The following ZNF407 variants were observed in gnomAD, a reference collection of about 807,000 sequenced individuals.
ZNF407 encodes zinc finger protein 407.
Under a neutral mutation model 131.2 loss-of-function variants are expected in ZNF407, and 17 were observed. The observed-to-expected ratio is 0.13, with a 90% confidence interval of 0.09 to 0.19. ZNF407 has a LOEUF of 0.19. Among genes scored for constraint, ZNF407 ranks in the 10% least tolerant of loss-of-function variants. The probability of loss-of-function intolerance (pLI) is 1.00; values close to 1 mark genes in which losing one functional copy is unlikely to be tolerated. For missense variants in ZNF407, 2,681 were observed against 2,830.6 expected (o/e 0.95, Z 1.20); for synonymous variants, 1,156 against 1,062.0 (o/e 1.09, Z -1.72).
At chr18:74,662,156 T>C (rs1206148965) in intron 3 of ZNF407, among the ~76,000 whole-genome samples, 1 of 152,196 alleles carries the variant, frequency 6.6e-6, no homozygotes, top group African/African-American at 2.4e-5. Flanking sequence ...TCACTGATTC[T>C]GTGAAACCTT....
At chr18:74,869,225 A>G (rs1971053943) in intron 4 of ZNF407, among the ~76,000 whole-genome samples, 1 of 152,224 alleles carries the variant, frequency 6.6e-6, no homozygotes, top group African/African-American at 2.4e-5. Context: ...AGTAACTATT[A>G]TTTTAACTTT....
At chr18:74,772,084 C>A (rs539451661) in intron 3 of ZNF407, among the ~76,000 whole-genome samples, 20 of 152,270 alleles carry the variant, frequency 1.3e-4, no homozygotes, top group African/African-American at 3.8e-4. Context: ...GGCATGAATT[C>A]TACTTTTGCA....
chr18:74,971,785 C>G (rs1431460464), intron 8 of ZNF407, among the ~76,000 whole-genome samples: 1 of 152,180 alleles, frequency 6.6e-6, no homozygotes, highest in African/African-American at 2.4e-5. Context: ...TTTTCAGTAT[C>G]TTTTCAGCAA....
intron 8 of ZNF407, among the ~76,000 whole-genome samples, chr18:75,054,894 C>T (rs1336146452): frequency 6.6e-6 from 1 of 152,236 alleles, no homozygotes; most frequent in Non-Finnish European, 1.5e-5. Flanking sequence ...TGGGCTCCCC[C>T]CCATACAAAG....
intron 4 of ZNF407, among the ~76,000 whole-genome samples, chr18:74,797,977 T>C (rs1472889819): frequency 6.6e-6 from 1 of 152,072 alleles, no homozygotes; most frequent in Non-Finnish European, 1.5e-5. Context: ...AGGTGAGAGT[T>C]CTGGAATAGT....
At chr18:74,605,676 G>T (rs1376159614) in intron 1 of ZNF407, among the ~76,000 whole-genome samples, 1 of 152,194 alleles carries the variant, frequency 6.6e-6, no homozygotes, top group Non-Finnish European at 1.5e-5. Context: ...CTATATACAT[G>T]TTAAGAAAGT....
chr18:74,778,141 G>A (rs1270589483), intron 3 of ZNF407, among the ~76,000 whole-genome samples: 1 of 152,152 alleles, frequency 6.6e-6, no homozygotes, highest in African/African-American at 2.4e-5. Flanking sequence ...AGGCTGTCAT[G>A]GCCTTCAGTG....
intron 8 of ZNF407, among the ~76,000 whole-genome samples, chr18:74,939,527 A>C (rs1010180745): frequency 2.9e-4 from 44 of 152,342 alleles, no homozygotes; most frequent in Non-Finnish European, 5.7e-4. Context: ...TGAATAGGCA[A>C]TTTAAAATGC....
chr18:74,790,891 A>G (rs3893012), intron 4 of ZNF407, among the ~76,000 whole-genome samples: 20,759 of 152,192 alleles, frequency 0.14, 2,538 homozygotes, highest in African/African-American at 0.33. Context: ...TTTATGAGAA[A>G]GAAGATATTT....
At chr18:74,711,507 AG>A (rs943500105) in intron 3 of ZNF407, among the ~76,000 whole-genome samples, 8 of 152,168 alleles carry the variant, frequency 5.3e-5, no homozygotes. Flanking sequence ...TGAGCCAGCA[AG>A]TGTGGGGGAC....
At chr18:74,961,888 A>G (rs1972349810) in intron 8 of ZNF407, among the ~76,000 whole-genome samples, 1 of 151,514 alleles carries the variant, frequency 6.6e-6, no homozygotes, top group Admixed American at 6.6e-5. Flanking sequence ...ATCAGACCCT[A>G]ACTTGCACTA....
chr18:74,624,722 C>T (rs559786021), intron 1 of ZNF407, among the ~76,000 whole-genome samples: 4 of 152,304 alleles, frequency 2.6e-5, no homozygotes, highest in South Asian at 4.1e-4. Context: ...AAGCCAGTGC[C>T]GTGGCCCTCT....
intron 4 of ZNF407, among the ~76,000 whole-genome samples, chr18:74,850,985 A>G (rs538390256): frequency 1.6e-3 from 248 of 152,322 alleles, no homozygotes; most frequent in Middle Eastern, 0.014. Flanking sequence ...GGAGGTCCAT[A>G]AAAATAATTC....
At chr18:74,869,535 A>G (rs1326807009) in intron 4 of ZNF407, among the ~76,000 whole-genome samples, 3 of 152,230 alleles carry the variant, frequency 2.0e-5, no homozygotes, top group African/African-American at 7.2e-5. Flanking sequence ...GAATAAGTTC[A>G]GAACTAAACC....
At chr18:74,712,404 T>A (rs1967787654) in intron 3 of ZNF407, among the ~76,000 whole-genome samples, 1 of 152,250 alleles carries the variant, frequency 6.6e-6, no homozygotes, top group Non-Finnish European at 1.5e-5. Context: ...TTTCAACCTT[T>A]AGTTCCAGCC....
intron 3 of ZNF407, among the ~76,000 whole-genome samples, chr18:74,689,578 T>G (rs1279841970): frequency 6.6e-6 from 1 of 152,238 alleles, no homozygotes; most frequent in Non-Finnish European, 1.5e-5. Context: ...TTTATGTTTA[T>G]GTGTTCTGAG....
At chr18:74,946,688 A>C (rs1050999952) in intron 8 of ZNF407, among the ~76,000 whole-genome samples, 1 of 152,182 alleles carries the variant, frequency 6.6e-6, no homozygotes, top group African/African-American at 2.4e-5. Flanking sequence ...GATTTGAATG[A>C]TTTGATTTGC....
chr18:74,898,884 GA>G (rs34797381), intron 7 of ZNF407, among the ~76,000 whole-genome samples: 1 of 152,174 alleles, frequency 6.6e-6, no homozygotes, highest in Admixed American at 6.5e-5. Context: ...TGTCTGGGGG[GA>G]AAAGTGGTTG....
At chr18:74,824,125 C>T (rs1461643256) in intron 4 of ZNF407, among the ~76,000 whole-genome samples, 2 of 152,010 alleles carry the variant, frequency 1.3e-5, no homozygotes, top group East Asian at 1.9e-4. Context: ...GGATAAATAA[C>T]GAAATGAAGG....
Sources: allele counts gnomAD v4.1 joint callset (sites outside exome capture counted in the v4.1 genomes callset), GRCh38; gene constraint gnomAD v4.1.1; transcripts MANE v1.5; gene names NCBI Gene and HGNC (gene_info 2026-07-23, HGNC 2026-07-21).